MACROD2: variants seen among roughly 807,000 people sequenced by gnomAD.
MACROD2 encodes ADP-ribose glycohydrolase MACROD2.
In MACROD2, 36 loss-of-function variants were observed where a neutral mutation model predicts 70.4. That is an observed-to-expected ratio of 0.51 (90% CI 0.39 to 0.68). MACROD2 has a LOEUF of 0.68. Ranked by LOEUF, MACROD2 falls within the 30% of genes least tolerant of loss-of-function variation. The pLI, the probability that MACROD2 is intolerant of heterozygous loss-of-function variation, is 0.00. For synonymous variants in MACROD2, 172 were observed against 178.8 expected (o/e 0.96, Z 0.30); for missense variants, 496 against 538.4 (o/e 0.92, Z 0.78).
intron 8 of MACROD2, among the ~76,000 whole-genome samples, chr20:15,763,661 G>A (rs1009429697): frequency 1.4e-5 from 2 of 144,040 alleles, no homozygotes; most frequent in Non-Finnish European, 3.0e-5. Context: ...ACAGAAATCA[G>A]ATCCAAATAA....
intron 3 of MACROD2, among the ~76,000 whole-genome samples, chr20:14,281,605 G>A (rs2082306538): frequency 6.6e-6 from 1 of 151,954 alleles, no homozygotes; most frequent in African/African-American, 2.4e-5. Context: ...ACTTTACAAT[G>A]GTGAATTTTA....
intron 3 of MACROD2, among the ~76,000 whole-genome samples, chr20:14,314,862 A>T (rs773941966): frequency 1.3e-5 from 2 of 151,988 alleles, no homozygotes; most frequent in Non-Finnish European, 2.9e-5. Context: ...GAAATACATA[A>T]TTTTTTCCAC....
chr20:14,331,377 G>C (rs2082835139), intron 3 of MACROD2, among the ~76,000 whole-genome samples: 1 of 152,084 alleles, frequency 6.6e-6, no homozygotes, highest in South Asian at 2.1e-4. Flanking sequence ...TTACATTTGT[G>C]AAGCTGCTTT....
At chr20:15,379,115 T>G (rs2045606290) in intron 6 of MACROD2, among the ~76,000 whole-genome samples, 1 of 152,218 alleles carries the variant, frequency 6.6e-6, no homozygotes, top group Admixed American at 6.5e-5. Flanking sequence ...TTGAAACACA[T>G]TGTTACAATA....
intron 2 of MACROD2, chr20:14,003,706 G>A (rs2148611036): frequency 2.1e-6 from 1 of 479,014 alleles, no homozygotes; most frequent in East Asian, 6.5e-5. Context: ...GTGTAACAGG[G>A]TCTCCTTGGC....
intron 3 of MACROD2, among the ~76,000 whole-genome samples, chr20:14,328,641 C>T (rs1222690781): frequency 6.6e-6 from 1 of 152,028 alleles, no homozygotes; most frequent in Non-Finnish European, 1.5e-5. Context: ...ATATTATTTT[C>T]CTGGTGAGGG....
chr20:14,747,047 A>G (rs535488746), intron 5 of MACROD2, among the ~76,000 whole-genome samples: 24 of 152,314 alleles, frequency 1.6e-4, no homozygotes, highest in Non-Finnish European at 2.5e-4. Flanking sequence ...ACAGAAGCCA[A>G]CTTAACCCAT....
At chr20:15,154,511 A>G (rs1001773935) in intron 5 of MACROD2, among the ~76,000 whole-genome samples, 1 of 152,232 alleles carries the variant, frequency 6.6e-6, no homozygotes, top group Non-Finnish European at 1.5e-5. Flanking sequence ...ACAAAGTACC[A>G]TAAACTGGGT....
At chr20:14,214,803 C>T (rs777179112) in intron 3 of MACROD2, among the ~76,000 whole-genome samples, 4 of 151,814 alleles carry the variant, frequency 2.6e-5, no homozygotes, top group African/African-American at 9.7e-5. Flanking sequence ...CATTCTTATG[C>T]TTTTGTGTCC....
At chr20:15,975,290 G>A (rs953477292) in intron 13 of MACROD2, among the ~76,000 whole-genome samples, 1 of 152,080 alleles carries the variant, frequency 6.6e-6, no homozygotes, top group Non-Finnish European at 1.5e-5. Flanking sequence ...ATATTCGTGG[G>A]AGACTGAAAG....
At chr20:15,562,329 A>G (rs2048255704) in intron 8 of MACROD2, among the ~76,000 whole-genome samples, 1 of 152,170 alleles carries the variant, frequency 6.6e-6, no homozygotes, top group South Asian at 2.1e-4. Context: ...GTGATGTGGA[A>G]AATGAAGCCC....
rs2077447398 is a variant in MACROD2, at chr20:15,281,820, G to A, written c.540+51759G>A. On this transcript the variant is annotated intron_variant, in intron 6 of 17. Coordinates refer to ENST00000684519, the MANE Select transcript of MACROD2 (RefSeq NM_001351661.2). ...AGCTCCATTAGACAGTGCCCCAGTGGGGACTCTGGAGACTCTAACCCCACA... is the reference window on the plus strand; with the variant it reads ...AGCTCCATTAGACAGTGCCCCAGTGAGGACTCTGGAGACTCTAACCCCACA... Among the ~76,000 whole-genome samples the A allele has an allele frequency of 3.9e-5, 6 of 152,174 alleles. No individual in the cohort carries two copies. In the South Asian group the frequency reaches 1.2e-3, roughly 32 times the overall value.
At chr20:14,890,967 CT>C (rs1568857299) in intron 5 of MACROD2, among the ~76,000 whole-genome samples, 4 of 132,292 alleles carry the variant, frequency 3.0e-5, no homozygotes, top group Non-Finnish European at 4.7e-5. Flanking sequence ...TCCTTCCTTC[CT>C]TCCTTCCTTC....
chr20:14,030,458 A>G (rs1412552053), intron 2 of MACROD2, among the ~76,000 whole-genome samples: 2 of 151,696 alleles, frequency 1.3e-5, no homozygotes, highest in African/African-American at 4.8e-5. Context: ...GCCCAGGCTG[A>G]CGTGCAGTGG....
chr20:14,085,474 C>T, intron 2 of MACROD2, 147 bp from the exon 3 acceptor site: 1 of 426,174 alleles, frequency 2.3e-6, no homozygotes, highest in East Asian at 3.6e-5. Context: ...ATAAACCACA[C>T]CCCTTGTACT....
intron 8 of MACROD2, among the ~76,000 whole-genome samples, chr20:15,635,287 C>G (rs745900301): frequency 1.3e-5 from 2 of 152,168 alleles, no homozygotes; most frequent in African/African-American, 4.8e-5. Flanking sequence ...AGTGAGATAA[C>G]TTGTACAAGT....
At chr20:15,308,030 T>C in intron 6 of MACROD2, among the ~76,000 whole-genome samples, 1 of 152,288 alleles carries the variant, frequency 6.6e-6, no homozygotes. Flanking sequence ...CATCTTGGTA[T>C]ATGACATCAG....
chr20:14,624,058 A>G (rs1983989719), intron 4 of MACROD2, among the ~76,000 whole-genome samples: 2 of 152,128 alleles, frequency 1.3e-5, no homozygotes, highest in South Asian at 2.1e-4. Context: ...TGAATCTCAC[A>G]TGGATCTGTT....
chr20:14,241,877 G>A (rs2122237159), intron 3 of MACROD2, among the ~76,000 whole-genome samples: 1 of 152,242 alleles, frequency 6.6e-6, no homozygotes. Context: ...AAGCTTTAAT[G>A]GAGACCACCC....
Sources: gnomAD v4.1 joint callset for allele counts (sites outside exome capture counted in the v4.1 genomes callset) on GRCh38, gnomAD v4.1.1 for gene constraint, MANE v1.5 for transcripts, NCBI Gene and HGNC (gene_info 2026-07-23, HGNC 2026-07-21) for gene names.